TTC28: variants seen among roughly 807,000 people sequenced by gnomAD.
TTC28 encodes tetratricopeptide repeat protein 28.
Under a neutral mutation model 198.0 loss-of-function variants are expected in TTC28, and 61 were observed. The observed-to-expected ratio is 0.31, with a 90% CI of 0.25 to 0.38. The LOEUF is 0.38. Ranked by LOEUF, TTC28 falls within the 10% of genes least tolerant of loss-of-function variation. The pLI is 1.00. For synonymous variants in TTC28, 1,171 were observed against 1,297.8 expected, an observed-to-expected ratio of 0.90 and a Z score of 2.10; for missense variants, 2,678 against 3,164.0, an observed-to-expected ratio of 0.85 and a Z score of 3.69.
intron 5 of TTC28, among the ~76,000 whole-genome samples, chr22:28,286,894 C>T (rs867541989): frequency 3.3e-5 from 5 of 152,038 alleles, no homozygotes; most frequent in African/African-American, 1.2e-4. Flanking sequence ...AGAAATTCTA[C>T]AAGACCTAAA....
At chr22:28,186,560 C>T (rs573387976) in intron 5 of TTC28, among the ~76,000 whole-genome samples, 2 of 152,272 alleles carry the variant, frequency 1.3e-5, no homozygotes, top group Non-Finnish European at 2.9e-5. Flanking sequence ...CTTAGTAATA[C>T]ATCTGTGATG....
intron 2 of TTC28, among the ~76,000 whole-genome samples, chr22:28,600,455 T>G (rs562134680): frequency 6.6e-6 from 1 of 152,244 alleles, no homozygotes; most frequent in South Asian, 2.1e-4. Flanking sequence ...AATGAATGCA[T>G]GCATTAAATA....
At position 28,491,323 on chromosome 22, in the gene TTC28, A is replaced by C. The variant is rs535783878; in HGVS notation, c.381+138229T>G. 3.9e-5 allele frequency among the ~76,000 whole-genome samples: 6 copies of C among 152,320 alleles called. No homozygotes were observed. In the East Asian group the frequency reaches 9.6e-4, roughly 24 times the overall value. On this transcript the variant is annotated intron_variant, in intron 2 of 22. Transcript: ENST00000397906. ...AAACCACCATCAGAGTGAACAGGCA[A>C]CCTACAGAATGGGAGAAAATTTTTG...
intron 12 of TTC28, among the ~76,000 whole-genome samples, chr22:28,088,912 A>C (rs1941718023): frequency 6.6e-6 from 1 of 152,234 alleles, no homozygotes; most frequent in African/African-American, 2.4e-5. Context: ...CACGTGAAAA[A>C]ATGCTCACCA....
chr22:28,519,032 T>G (rs962797038), intron 2 of TTC28, among the ~76,000 whole-genome samples: 7 of 152,214 alleles, frequency 4.6e-5, no homozygotes, highest in African/African-American at 4.8e-5. Flanking sequence ...GTATTCTTAT[T>G]TTTTAAGATA....
Position 27,999,300 on chromosome 22 carries a change from G to C in TTC28, c.4399-40C>G, listed in dbSNP as rs11913848. The stretch of plus-strand genomic sequence containing the variant: ...GACAAAGCAGACCACCCGTCAGACA[G>C]AACAGCCAGGCTGCCCGGCAGTGGT... On this transcript the variant is annotated intron_variant, in intron 15 of 22. Coordinates refer to ENST00000397906, the MANE Select transcript of TTC28 (RefSeq NM_001145418.2). 4,728 of 1,508,116 alleles carry C rather than the reference G, an allele frequency of 3.1e-3. 9 individuals are homozygous for C. The highest frequency in any genetic ancestry group is 3.7e-3 in the Non-Finnish European group (4,203 of 1,122,700). 93.4% of individuals were successfully genotyped at this position (1,508,116 alleles called of 1,614,324 possible).
intron 12 of TTC28, among the ~76,000 whole-genome samples, chr22:28,064,063 T>C (rs1471955909): frequency 6.6e-6 from 1 of 152,140 alleles, no homozygotes; most frequent in African/African-American, 2.4e-5. Flanking sequence ...TTTAACCCCA[T>C]ATTTGATGGG....
chr22:28,553,692 G>A (rs867959134), intron 2 of TTC28, among the ~76,000 whole-genome samples: 11 of 151,946 alleles, frequency 7.2e-5, no homozygotes, highest in East Asian at 2.0e-4. Flanking sequence ...CGCCCCGTCC[G>A]GGAGGGAGGT....
chr22:28,612,798 C>T (rs551042829), intron 2 of TTC28, among the ~76,000 whole-genome samples: 1 of 152,244 alleles, frequency 6.6e-6, no homozygotes, highest in African/African-American at 2.4e-5. Context: ...AACAAAGACA[C>T]AATGTGCCAG....
intron 2 of TTC28, among the ~76,000 whole-genome samples, chr22:28,395,043 C>T (rs1413356959): frequency 6.6e-6 from 1 of 152,138 alleles, no homozygotes; most frequent in Non-Finnish European, 1.5e-5. Context: ...ATACTTTTAT[C>T]TTTAATTTCA....
At chr22:28,235,912 T>A (rs134183) in intron 5 of TTC28, among the ~76,000 whole-genome samples, 104,661 of 152,128 alleles carry the variant, frequency 0.69, 36,326 homozygotes, top group Non-Finnish European at 0.71. Context: ...AATATGCCAA[T>A]AGACGAACTT....
At position 28,014,356 on chromosome 22, in the gene TTC28, A is replaced by C; in HGVS notation, c.4110T>G (p.Thr1370=). The C allele has an allele frequency of 6.4e-7, 1 of 1,551,516 alleles. No individual in the cohort carries two copies. The highest frequency in any genetic ancestry group is 8.7e-7 in the Non-Finnish European group (1 of 1,146,930). The change falls in exon 14 of 23, where the codon ACT becomes ACG. Residue 1370 remains threonine (T), a synonymous_variant. Transcript: ENST00000397906. ...AGGTCCCGTCCTGGGTCGGTGACAC[A>C]GTGTTACTGAACAGGCTCGTCATGC... The part of the protein sequence containing the change: ...CQSMTSLFSN[T]VSPTQDGTSS...
intron 2 of TTC28, among the ~76,000 whole-genome samples, chr22:28,371,371 G>A (rs534328679): frequency 7.5e-5 from 11 of 147,508 alleles, no homozygotes; most frequent in African/African-American, 2.3e-4. Context: ...TTAGCTGGGC[G>A]TGGTGGCACT....
chr22:28,298,585 A>G (rs949598921), intron 3 of TTC28, among the ~76,000 whole-genome samples: 1 of 152,092 alleles, frequency 6.6e-6, no homozygotes, highest in Non-Finnish European at 1.5e-5. Context: ...AGTAGCTAGG[A>G]CCACAGGCAC....
At chr22:28,402,970 G>C (rs2046940374) in intron 2 of TTC28, among the ~76,000 whole-genome samples, 1 of 152,128 alleles carries the variant, frequency 6.6e-6, no homozygotes, top group African/African-American at 2.4e-5. Context: ...AATTACTCTT[G>C]GGTCAGAAAT....
At chr22:28,523,251 T>G (rs2048942952) in intron 2 of TTC28, among the ~76,000 whole-genome samples, 1 of 152,180 alleles carries the variant, frequency 6.6e-6, no homozygotes, top group South Asian at 2.1e-4. Context: ...TAGGCAGACA[T>G]TCATAGTCAG....
At chr22:28,059,840 T>C (rs545842461) in intron 12 of TTC28, among the ~76,000 whole-genome samples, 1 of 151,216 alleles carries the variant, frequency 6.6e-6, no homozygotes, top group African/African-American at 2.4e-5. Context: ...TATTAAATAT[T>C]AAATTAATAT....
At chr22:28,439,701 G>C (rs971029406) in intron 2 of TTC28, among the ~76,000 whole-genome samples, 1 of 152,126 alleles carries the variant, frequency 6.6e-6, no homozygotes, top group Non-Finnish European at 1.5e-5. Flanking sequence ...CATAGAACAA[G>C]TGCTTTTAAA....
At chr22:27,985,421 G>C in intron 21 of TTC28, 65 bp from the exon 22 acceptor site, 8 of 1,271,348 alleles carry the variant, frequency 6.3e-6, no homozygotes, top group Non-Finnish European at 8.9e-6. Flanking sequence ...GAACATGAGC[G>C]CTATAGGGCT....
Sources: allele counts gnomAD v4.1 joint callset (sites outside exome capture counted in the v4.1 genomes callset), GRCh38; gene constraint gnomAD v4.1.1; transcripts MANE v1.5; gene names NCBI Gene and HGNC (gene_info 2026-07-23, HGNC 2026-07-21).